CTNNA3: variants seen among roughly 807,000 people sequenced by gnomAD.
CTNNA3 encodes catenin alpha 3.
A neutral mutation model predicts 95.7 loss-of-function variants in CTNNA3; 76 were observed. That is an observed-to-expected ratio of 0.79 (90% CI 0.66 to 0.96). The LOEUF (loss-of-function observed/expected upper bound fraction) is 0.96, where lower values mean the gene tolerates loss of function less well. Among genes scored for constraint, CTNNA3 ranks in the 40% least tolerant of loss-of-function variants. The pLI is 0.00. For synonymous variants in CTNNA3, 431 were observed against 374.4 expected (o/e 1.15, Z -1.74); for missense variants, 1,191 against 1,089.8 (o/e 1.09, Z -1.31).
intron 1 of CTNNA3, among the ~76,000 whole-genome samples, chr10:67,679,306 T>C (rs1840585653): frequency 6.6e-6 from 1 of 152,194 alleles, no homozygotes; most frequent in Non-Finnish European, 1.5e-5. Flanking sequence ...CCCCTAGTTA[T>C]GACAGCCAAA....
At chr10:67,655,314 A>C (rs1839990393) in intron 1 of CTNNA3, among the ~76,000 whole-genome samples, 1 of 152,230 alleles carries the variant, frequency 6.6e-6, no homozygotes, top group Admixed American at 6.5e-5. Context: ...ATTTAGTTAA[A>C]TATAAAAGAG....
rs539051196 is a variant in CTNNA3 at position 65,913,862 on chromosome 10, G to A, written c.*6468C>T. On this transcript the variant is annotated 3_prime_UTR_variant, in exon 18 of 18. Coordinates refer to ENST00000433211, the MANE Select transcript of CTNNA3 (RefSeq NM_013266.4). ...CAGAGAGGTTCAGGTAATTTACACA[G>A]ATGGGGAACTGATGTGACATACCTA... The A allele has an allele frequency of 2.0e-5, 3 of 152,218 alleles. No individual in the cohort carries two copies. In the East Asian group the frequency reaches 5.8e-4, roughly 29 times the overall value. 9.4% of individuals were successfully genotyped at this position (152,218 alleles called of 1,614,324 possible).
chr10:67,711,704 G>A lies in CTNNA3; in HGVS notation c.-2+51730C>T, dbSNP rs535750134. 1.7e-4 allele frequency among the ~76,000 whole-genome samples: 26 copies of A among 150,848 alleles called. No homozygotes were observed. The East Asian group carries it at 3.9e-3, about 23-fold the overall frequency. On this transcript the variant is annotated intron_variant, in intron 1 of 17. Transcript: ENST00000684154. ...CCCACTAACTCGTCATCTAGCATTA[G>A]GTATATCTCCCGATGCTATCCCTCC...
chr10:67,322,832 CACAA>C (rs1054587272), intron 5 of CTNNA3, among the ~76,000 whole-genome samples: 14 of 152,192 alleles, frequency 9.2e-5, no homozygotes, highest in African/African-American at 2.9e-4. Flanking sequence ...TAATTTATCC[CACAA>C]ACAGTGTATA....
intron 11 of CTNNA3, among the ~76,000 whole-genome samples, chr10:66,475,266 C>A (rs1839282409): frequency 6.6e-6 from 1 of 151,900 alleles, no homozygotes; most frequent in Non-Finnish European, 1.5e-5. Flanking sequence ...AAAATCAGCT[C>A]AAAATGGATT....
chr10:67,475,390 AAC>A (rs1847972029), intron 5 of CTNNA3, among the ~76,000 whole-genome samples: 2 of 152,202 alleles, frequency 1.3e-5, no homozygotes, highest in African/African-American at 4.8e-5. Flanking sequence ...GTATAAAACA[AAC>A]AGTTAATTTT....
At chr10:65,986,665 T>C (rs1308763450) in intron 16 of CTNNA3, among the ~76,000 whole-genome samples, 3 of 150,690 alleles carry the variant, frequency 2.0e-5, no homozygotes, top group East Asian at 1.9e-4. Flanking sequence ...GTGTAACCCA[T>C]AGAAAAATAC....
intron 6 of CTNNA3, among the ~76,000 whole-genome samples, chr10:67,194,511 A>C (rs1306575717): frequency 6.6e-6 from 1 of 151,090 alleles, no homozygotes; most frequent in African/African-American, 2.4e-5. Flanking sequence ...CATTCTGAAA[A>C]GGGAAAAACT....
intron 7 of CTNNA3, among the ~76,000 whole-genome samples, chr10:67,066,195 C>CTTTT (rs71006118): frequency 0.12 from 14,416 of 122,850 alleles, 1,808 homozygotes; most frequent in African/African-American, 0.27. Context: ...AAGTCACTGG[C>CTTTT]TTTTTTTTTT....
At chr10:66,243,274 T>C (rs2090177611) in intron 13 of CTNNA3, among the ~76,000 whole-genome samples, 1 of 152,218 alleles carries the variant, frequency 6.6e-6, no homozygotes, top group Non-Finnish European at 1.5e-5. Context: ...AAGCTGCCTC[T>C]TGTGGGGAAA....
intron 7 of CTNNA3, among the ~76,000 whole-genome samples, chr10:67,110,715 A>G (rs1858874383): frequency 6.6e-6 from 1 of 152,200 alleles, no homozygotes; most frequent in Non-Finnish European, 1.5e-5. Flanking sequence ...AATGATGACA[A>G]GAAGACAGGC....
intron 12 of CTNNA3, among the ~76,000 whole-genome samples, chr10:66,332,886 T>C (rs2092348323): frequency 6.6e-6 from 1 of 152,130 alleles, no homozygotes; most frequent in Admixed American, 6.5e-5. Flanking sequence ...AAGCTATTAA[T>C]TATTGCTTCA....
chr10:66,541,847 A>C (rs1841862953), intron 10 of CTNNA3, among the ~76,000 whole-genome samples: 1 of 152,144 alleles, frequency 6.6e-6, no homozygotes, highest in African/African-American at 2.4e-5. Flanking sequence ...AGAAACTTCC[A>C]TATGTCTGTA....
intron 3 of CTNNA3, among the ~76,000 whole-genome samples, chr10:67,605,740 G>A (rs1843251515): frequency 6.6e-6 from 1 of 151,804 alleles, no homozygotes. Flanking sequence ...GTACAATGGT[G>A]TGATCTCGGC....
At chr10:66,366,734 G>T (rs1259809411) in intron 12 of CTNNA3, among the ~76,000 whole-genome samples, 1 of 152,056 alleles carries the variant, frequency 6.6e-6, no homozygotes, top group Non-Finnish European at 1.5e-5. Context: ...AACTGAGATG[G>T]TCTAATTATA....
chr10:66,042,171 T>G (rs1178833713), intron 15 of CTNNA3, among the ~76,000 whole-genome samples: 2 of 152,216 alleles, frequency 1.3e-5, no homozygotes, highest in Non-Finnish European at 2.9e-5. Flanking sequence ...GTAGTAAACA[T>G]CATCCAGGTA....
At position 67,534,484 on chromosome 10, in the gene CTNNA3, A is replaced by G. The variant is rs765478464; in HGVS notation, c.459+5019T>C. 2.6e-5 allele frequency among the ~76,000 whole-genome samples: 4 copies of G among 152,196 alleles called. 1 individual carries two copies. Among genetic ancestry groups the G allele is most frequent in the African/African-American group, 7.2e-5 (3 of 41,454 alleles). On this transcript the variant is annotated intron_variant, in intron 4 of 17. Coordinates refer to ENST00000433211, the MANE Select transcript of CTNNA3 (RefSeq NM_013266.4). ...TTGAGGGAAAGTAGCTAGAGAAAAA[A>G]TGTGGAAGGGCAATGAGATGGAGTT...
At chr10:67,741,733 C>G (rs942781398) in intron 1 of CTNNA3, among the ~76,000 whole-genome samples, 1 of 151,114 alleles carries the variant, frequency 6.6e-6, no homozygotes, top group South Asian at 2.1e-4. Flanking sequence ...AGAGTCAAGA[C>G]CCATCAGTGT....
In CTNNA3 at chr10:66,108,167, A is replaced by T. The variant is rs550957918; in HGVS notation, c.1885-4918T>A. ...GAGAGATCACAATTAAAATACATTT[A>T]AAAAATAAAAATATATCAATGACAC... On this transcript the variant is annotated intron_variant, in intron 13 of 17. Coordinates refer to ENST00000433211, the MANE Select transcript of CTNNA3 (RefSeq NM_013266.4). Among the ~76,000 whole-genome samples, 516 of 152,284 alleles carry T rather than the reference A, an allele frequency of 3.4e-3. 2 individuals carry two copies. The highest frequency in any genetic ancestry group is 0.011 in the African/African-American group (439 of 41,536).
Sources: gnomAD v4.1 joint callset for allele counts (sites outside exome capture counted in the v4.1 genomes callset) on GRCh38, gnomAD v4.1.1 for gene constraint, MANE v1.5 for transcripts, NCBI Gene and HGNC (gene_info 2026-07-23, HGNC 2026-07-21) for gene names.